Variants in STAU2 observed in about 807,000 individuals in gnomAD.
The protein encoded by STAU2 is staufen double-stranded RNA binding protein 2.
STAU2 carries 20 observed loss-of-function variants against 65.9 expected under a neutral mutation model. The observed-to-expected ratio is 0.30, with a 90% CI of 0.21 to 0.44. STAU2 has a LOEUF of 0.44. Among genes scored for constraint, STAU2 ranks in the 20% least tolerant of loss-of-function variants. The probability of loss-of-function intolerance (pLI) is 1.00; values close to 1 mark genes in which losing one functional copy is unlikely to be tolerated. For synonymous variants in STAU2, 232 were observed against 233.9 expected (o/e 0.99, Z 0.07); for missense variants, 558 against 683.9 (o/e 0.82, Z 2.05).
chr8:73,604,661 A>C (rs1811883422), intron 9 of STAU2, among the ~76,000 whole-genome samples: 1 of 152,246 alleles, frequency 6.6e-6, no homozygotes, highest in South Asian at 2.1e-4. Context: ...ACATAAGGAA[A>C]AACTCAATAT....
rs140198294 is a variant in STAU2 at position 73,506,882 on chromosome 8, A to G, written c.1530+45130T>C. Among the ~76,000 whole-genome samples the G allele has an allele frequency of 5.8e-4, 89 of 152,344 alleles. 1 individual carries two copies. Among genetic ancestry groups the G allele is most frequent in the African/African-American group, 2.1e-3 (89 of 41,578 alleles). ...TTTGTCATTTCAACACACTCACAGT[A>G]TCTTCACCAGGAGTAGATTCCGTAT... On this transcript the variant is annotated intron_variant, in intron 13 of 14. Coordinates refer to ENST00000524300, the MANE Select transcript of STAU2 (RefSeq NM_001164380.2).
intron 3 of STAU2, among the ~76,000 whole-genome samples, chr8:73,722,659 C>CATAT (rs1384328825): frequency 6.6e-6 from 1 of 152,082 alleles, no homozygotes; most frequent in Non-Finnish European, 1.5e-5. Flanking sequence ...ACAAAATGAC[C>CATAT]ATATCTCTTT....
chr8:73,721,490 A>G (rs1052691883), intron 3 of STAU2, among the ~76,000 whole-genome samples: 1 of 152,086 alleles, frequency 6.6e-6, no homozygotes, highest in African/African-American at 2.4e-5. Flanking sequence ...ACTTCTATCA[A>G]TTATTGACAG....
intron 4 of STAU2, among the ~76,000 whole-genome samples, chr8:73,699,365 G>A (rs183642698): frequency 2.6e-5 from 4 of 151,404 alleles, no homozygotes; most frequent in Admixed American, 6.6e-5. Flanking sequence ...AAAATTATAC[G>A]AGATCACTAG....
intron 5 of STAU2, among the ~76,000 whole-genome samples, chr8:73,678,037 C>CTGTTCCA (rs1818136344): frequency 6.6e-6 from 1 of 152,170 alleles, no homozygotes; most frequent in African/African-American, 2.4e-5. Context: ...ACAGCTTGTT[C>CTGTTCCA]TGTTCCATTC....
chr8:73,437,617 C>A (rs960807312), intron 13 of STAU2, among the ~76,000 whole-genome samples: 1 of 152,148 alleles, frequency 6.6e-6, no homozygotes, highest in African/African-American at 2.4e-5. Flanking sequence ...CAATTTGTCA[C>A]CACAGTCATG....
intron 6 of STAU2, chr8:73,672,466 A>G (rs1817753124): frequency 1.3e-5 from 2 of 152,150 alleles, no homozygotes. Context: ...ATAAAGTATA[A>G]ATACATATAT....
intron 13 of STAU2, chr8:73,439,369 C>A (rs1377817343): frequency 2.8e-5 from 7 of 250,608 alleles, no homozygotes; most frequent in Admixed American, 2.1e-4. Flanking sequence ...GTAATCCCAG[C>A]ACTTTGGGAG....
chr8:73,544,050 G>A (rs1430740492), intron 13 of STAU2, among the ~76,000 whole-genome samples: 1 of 152,068 alleles, frequency 6.6e-6, no homozygotes, highest in Non-Finnish European at 1.5e-5. Flanking sequence ...ATAAAACTTT[G>A]CCTAAACATC....
chr8:73,737,168 A>T (rs1393177539), intron 3 of STAU2, among the ~76,000 whole-genome samples: 1 of 150,806 alleles, frequency 6.6e-6, no homozygotes, highest in African/African-American at 2.4e-5. Flanking sequence ...CGCCTGGCCA[A>T]GATTACTTTT....
chr8:73,601,655 G>GA (rs930464986), intron 10 of STAU2, among the ~76,000 whole-genome samples: 1 of 152,076 alleles, frequency 6.6e-6, no homozygotes, highest in Non-Finnish European at 1.5e-5. Context: ...TCCAGAAGGG[G>GA]AAAAAACAAT....
At chr8:73,544,839 T>C (rs1293233500) in intron 13 of STAU2, among the ~76,000 whole-genome samples, 2 of 152,256 alleles carry the variant, frequency 1.3e-5, no homozygotes, top group Non-Finnish European at 2.9e-5. Flanking sequence ...GTGTAATGTT[T>C]GAACACTGAT....
intron 9 of STAU2, among the ~76,000 whole-genome samples, chr8:73,609,474 A>T (rs1812282282): frequency 6.6e-6 from 1 of 151,992 alleles, no homozygotes; most frequent in African/African-American, 2.4e-5. Flanking sequence ...CAACATGGTT[A>T]AACACTGTCT....
intron 13 of STAU2, chr8:73,550,283 G>C: frequency 6.1e-6 from 6 of 984,790 alleles, no homozygotes; most frequent in Non-Finnish European, 7.2e-6. Context: ...CCTTAGCAAT[G>C]CAATAATGAG....
chr8:73,719,109 AG>A (rs1416604204), intron 3 of STAU2, among the ~76,000 whole-genome samples: 1 of 152,178 alleles, frequency 6.6e-6, no homozygotes, highest in East Asian at 1.9e-4. Flanking sequence ...TTTTAAAATA[AG>A]TGTCCAGTTT....
At chr8:73,634,731 G>A (rs1356063977) in intron 6 of STAU2, among the ~76,000 whole-genome samples, 2 of 152,004 alleles carry the variant, frequency 1.3e-5, no homozygotes, top group Admixed American at 6.6e-5. Context: ...AAGCCTCCAC[G>A]TTAGGGCCTT....
chr8:73,614,878 C>T (rs2129855526), intron 8 of STAU2, among the ~76,000 whole-genome samples: 1 of 152,254 alleles, frequency 6.6e-6, no homozygotes, highest in East Asian at 1.9e-4. Context: ...CCTCATTTTG[C>T]TGCTTTTAAC....
At chr8:73,555,519 G>A (rs182151516) in intron 12 of STAU2, among the ~76,000 whole-genome samples, 1 of 151,624 alleles carries the variant, frequency 6.6e-6, no homozygotes, top group African/African-American at 2.4e-5. Context: ...AACCAACTGT[G>A]GATAGAAAAC....
At chr8:73,693,180 T>TA (rs1049645104) in intron 4 of STAU2, among the ~76,000 whole-genome samples, 12 of 148,826 alleles carry the variant, frequency 8.1e-5, no homozygotes, top group African/African-American at 3.0e-4. Context: ...TTTTTTAATT[T>TA]AAAAAAAAGT....
Sources: allele counts gnomAD v4.1 joint callset (sites outside exome capture counted in the v4.1 genomes callset), GRCh38; gene constraint gnomAD v4.1.1; transcripts MANE v1.5; gene names NCBI Gene and HGNC (gene_info 2026-07-23, HGNC 2026-07-21).